The following PKHD1 variants were observed in gnomAD, a reference collection of about 807,000 sequenced individuals.
PKHD1 encodes fibrocystin.
Under a neutral mutation model 412.0 loss-of-function variants are expected in PKHD1, and 291 were observed. The observed-to-expected ratio is 0.71, with a 90% CI of 0.64 to 0.78. The LOEUF (loss-of-function observed/expected upper bound fraction) is 0.78. Among genes scored for constraint, PKHD1 ranks in the 30% least tolerant of loss-of-function variants. PKHD1 has a pLI of 0.00. For synonymous variants in PKHD1, 1,777 were observed against 1,821.5 expected, an observed-to-expected ratio of 0.98 and a Z score of 0.62; for missense variants, 4,825 against 4,950.7, an observed-to-expected ratio of 0.97 and a Z score of 0.76.
rs116789122 is a variant in PKHD1 at position 51,903,554 on chromosome 6, G to A, written c.6996+43C>T. 552 of 1,583,266 alleles carry A rather than the reference G, an allele frequency of 3.5e-4. 5 individuals are homozygous for A. In the African/African-American group the frequency reaches 6.0e-3, roughly 17 times the overall value. ...ACCCCTGATTGAGAAAGAACTTTATGCCCTCTCAGTTCTGGTCTTCCTGGT... is the reference window on the plus strand; with the variant it reads ...ACCCCTGATTGAGAAAGAACTTTATACCCTCTCAGTTCTGGTCTTCCTGGT... On this transcript the variant is annotated intron_variant, in intron 43 of 66. Transcript: ENST00000371117.
intron 52 of PKHD1, among the ~76,000 whole-genome samples, chr6:51,804,627 A>T (rs1337684701): frequency 6.6e-6 from 1 of 152,152 alleles, no homozygotes; most frequent in African/African-American, 2.4e-5. Flanking sequence ...AACTCTGCAA[A>T]TTGGTAAGAA....
At chr6:51,644,161 T>C (rs1028854626) in intron 63 of PKHD1, among the ~76,000 whole-genome samples, 3 of 152,096 alleles carry the variant, frequency 2.0e-5, no homozygotes, top group African/African-American at 4.8e-5. Flanking sequence ...AGGTGCAGCT[T>C]TGCCAGAAAC....
In PKHD1 at chr6:51,981,888, G is replaced by A. The variant is rs1338263331; in HGVS notation, c.5752-21862C>T. Among the ~76,000 whole-genome samples, 222 of 100,526 alleles carry A rather than the reference G, an allele frequency of 2.2e-3. 35 individuals are homozygous for A. The highest frequency in any genetic ancestry group is 4.9e-3 in the Admixed American group (43 of 8,812). 65.9% of individuals were successfully genotyped at this position (100,526 alleles called of 152,430 possible). A position where few individuals can be genotyped will look rare whatever the true frequency, so the allele number is the denominator to read the frequency against. Reference sequence around the variant, plus strand: ...AGGAAGCGAGGAGCGCCTCTTCCCCGCTGCCTTCCCATCTAGGAAGTGAGG... The same window carrying A: ...AGGAAGCGAGGAGCGCCTCTTCCCCACTGCCTTCCCATCTAGGAAGTGAGG... On this transcript the variant is annotated intron_variant, in intron 35 of 66. Coordinates refer to ENST00000371117, the MANE Select transcript of PKHD1 (RefSeq NM_138694.4).
intron 54 of PKHD1, among the ~76,000 whole-genome samples, chr6:51,773,742 A>C (rs1790533396): frequency 6.6e-6 from 1 of 151,598 alleles, no homozygotes; most frequent in Admixed American, 6.6e-5. Flanking sequence ...AAGAAGCAGG[A>C]GACCACTAAG....
chr6:51,811,644 T>C (rs1764696908), intron 52 of PKHD1, among the ~76,000 whole-genome samples: 1 of 152,158 alleles, frequency 6.6e-6, no homozygotes, highest in Non-Finnish European at 1.5e-5. Context: ...GTTTCCCGGC[T>C]ACCTGATAAA....
chr6:51,968,631 T>C (rs148458551), intron 35 of PKHD1, among the ~76,000 whole-genome samples: 2 of 152,318 alleles, frequency 1.3e-5, no homozygotes, highest in Non-Finnish European at 2.9e-5. Flanking sequence ...TGGAGTGAAC[T>C]GCTTAGGGGC....
At chr6:51,712,999 C>G (rs1294953162) in intron 60 of PKHD1, among the ~76,000 whole-genome samples, 1 of 152,124 alleles carries the variant, frequency 6.6e-6, no homozygotes, top group Non-Finnish European at 1.5e-5. Context: ...GTATCTCCAG[C>G]TGAGAGGTTA....
At chr6:52,009,079 A>G (rs1799467514) in intron 35 of PKHD1, among the ~76,000 whole-genome samples, 1 of 152,232 alleles carries the variant, frequency 6.6e-6, no homozygotes, top group African/African-American at 2.4e-5. Flanking sequence ...AAACAGGCGC[A>G]GAATAAAGTG....
In PKHD1 at chr6:52,076,284, C is replaced by T; in HGVS notation, c.440G>A (p.Gly147Asp). ...AATAGAAGATTTCTTACCTGGAACACCACTTGGTGGATAAACTTGGTGAAC... is the reference window on the plus strand; with the variant it reads ...AATAGAAGATTTCTTACCTGGAACATCACTTGGTGGATAAACTTGGTGAAC... ...PIVHQVYPPS[G>D]VPGKLIHVYG... The change falls in exon 6 of 67, where the codon GGT (glycine) becomes GAT (aspartate). Residue 147 changes from glycine to aspartate, a missense_variant. By Grantham distance (94) the Gly-to-Asp change is moderately conservative. Coordinates refer to ENST00000371117, the MANE Select transcript of PKHD1 (RefSeq NM_138694.4). The T allele has an allele frequency of 6.2e-7, 1 of 1,609,588 alleles. No individual in the cohort carries two copies. The highest frequency in any genetic ancestry group is 8.5e-7 in the Non-Finnish European group (1 of 1,175,924).
intron 30 of PKHD1, 65 bp downstream of exon 30, chr6:52,028,091 A>G (rs1193141504): frequency 6.7e-7 from 1 of 1,484,388 alleles, no homozygotes; most frequent in African/African-American, 1.4e-5. Flanking sequence ...ACTCAAAATT[A>G]GAATTACCTA....
chr6:51,908,193 T>C (rs1458849214), intron 40 of PKHD1, among the ~76,000 whole-genome samples: 1 of 152,026 alleles, frequency 6.6e-6, no homozygotes, highest in Non-Finnish European at 1.5e-5. Flanking sequence ...TCAAATAAAT[T>C]TAAAAAGATT....
intron 1 of PKHD1, 21 bp from the exon 2 acceptor site, chr6:52,085,038 CAAA>C: frequency 1.3e-6 from 1 of 788,940 alleles, no homozygotes; most frequent in East Asian, 2.5e-5. Flanking sequence ...ACAAAAAAAG[CAAA>C]AAAAAATTAT....
intron 6 of PKHD1, among the ~76,000 whole-genome samples, chr6:52,074,891 C>T (rs1811138355): frequency 6.6e-6 from 1 of 152,200 alleles, no homozygotes; most frequent in Admixed American, 6.5e-5. Flanking sequence ...CGCCACCAAT[C>T]CTTTCCCCAG....
At chr6:51,777,543 G>A (rs949568910) in intron 53 of PKHD1, among the ~76,000 whole-genome samples, 2 of 152,034 alleles carry the variant, frequency 1.3e-5, no homozygotes, top group African/African-American at 4.8e-5. Flanking sequence ...GCAGAAAGAA[G>A]GGAAGCAGGG....
At chr6:51,938,377 T>C (rs1483342569) in intron 36 of PKHD1, among the ~76,000 whole-genome samples, 2 of 151,844 alleles carry the variant, frequency 1.3e-5, no homozygotes, top group Non-Finnish European at 2.9e-5. Flanking sequence ...ACTGATGACA[T>C]TCCACCACAA....
intron 60 of PKHD1, among the ~76,000 whole-genome samples, chr6:51,728,254 C>A (rs1231827176): frequency 6.6e-6 from 1 of 152,108 alleles, no homozygotes; most frequent in Non-Finnish European, 1.5e-5. Flanking sequence ...TAATTTATAA[C>A]CTGGCAGGGT....
rs563001388 is a variant in PKHD1 at position 51,859,386 on chromosome 6, C to T, written c.7734-3316G>A. On this transcript the variant is annotated intron_variant, in intron 48 of 66. Transcript: ENST00000371117. ...CTAAAAATACAAAAAATTAGCTGGG[C>T]GTGGCAGCATGCGCCTGTAGTCCCA... Among the ~76,000 whole-genome samples the T allele has an allele frequency of 6.1e-4, 93 of 151,936 alleles. No individual in the cohort carries two copies. The South Asian group carries it at 0.014, about 24-fold the overall frequency.
At chr6:51,839,993 T>C (rs1769888421) in intron 50 of PKHD1, among the ~76,000 whole-genome samples, 1 of 152,076 alleles carries the variant, frequency 6.6e-6, no homozygotes, top group Non-Finnish European at 1.5e-5. Context: ...CTCTGTCTTC[T>C]TGTGCTGGCT....
At chr6:51,675,324 C>T (rs6941732) in intron 60 of PKHD1, among the ~76,000 whole-genome samples, 67,450 of 151,998 alleles carry the variant, frequency 0.44, 18,021 homozygotes, top group African/African-American at 0.74. Context: ...TTCTGTCACT[C>T]GGGGAAGGTT....
Sources: allele counts gnomAD v4.1 joint callset (sites outside exome capture counted in the v4.1 genomes callset), GRCh38; gene constraint gnomAD v4.1.1; transcripts MANE v1.5; gene names NCBI Gene and HGNC (gene_info 2026-07-23, HGNC 2026-07-21).